The following TTL variants were observed in gnomAD, a reference collection of about 807,000 sequenced individuals.
TTL encodes tubulin tyrosine ligase, also known as tubulin--tyrosine ligase.
Under a neutral mutation model 41.1 loss-of-function variants are expected in TTL, and 10 were observed. That is an observed-to-expected ratio of 0.24 (90% CI 0.15 to 0.41). The LOEUF (loss-of-function observed/expected upper bound fraction) is 0.41, where lower values mean the gene tolerates loss of function less well. Ranked by LOEUF, TTL falls within the 10% of genes least tolerant of loss-of-function variation. The probability of loss-of-function intolerance (pLI) is 1.00; values close to 1 mark genes in which losing one functional copy is unlikely to be tolerated. For missense variants in TTL, 367 were observed against 460.4 expected, an observed-to-expected ratio of 0.80 and a Z score of 1.86; for synonymous variants, 175 against 175.5, an observed-to-expected ratio of 1.00 and a Z score of 0.02.
At chr2:112,487,209 C>T (rs1456973784) in intron 2 of TTL, among the ~76,000 whole-genome samples, 1 of 152,150 alleles carries the variant, frequency 6.6e-6, no homozygotes, top group Admixed American at 6.5e-5. Flanking sequence ...AGGTTGGGTG[C>T]TCACAGGAAC....
chr2:112,488,038 G>A (rs1373895933), intron 2 of TTL, among the ~76,000 whole-genome samples: 3 of 152,186 alleles, frequency 2.0e-5, no homozygotes, highest in Non-Finnish European at 4.4e-5. Context: ...CATTGTGACT[G>A]TGCACCCTTG....
At chr2:112,494,711 C>T (rs930179285) in intron 3 of TTL, among the ~76,000 whole-genome samples, 4 of 152,140 alleles carry the variant, frequency 2.6e-5, no homozygotes, top group Non-Finnish European at 5.9e-5. Context: ...TCCCACTATT[C>T]ACTCAGTCTC....
At chr2:112,497,629 G>A (rs1216054166) in intron 3 of TTL, among the ~76,000 whole-genome samples, 2 of 151,982 alleles carry the variant, frequency 1.3e-5, no homozygotes, top group South Asian at 2.1e-4. Flanking sequence ...GTGTGTAGGG[G>A]AAGAGAATAA....
intron 3 of TTL, among the ~76,000 whole-genome samples, chr2:112,494,680 C>T (rs964275015): frequency 6.6e-6 from 1 of 152,170 alleles, no homozygotes; most frequent in Non-Finnish European, 1.5e-5. Flanking sequence ...TCCTCCTTCA[C>T]GCTTTCCACT....
chr2:112,521,900 C>T (rs541919265), intron 6 of TTL, among the ~76,000 whole-genome samples: 5 of 152,304 alleles, frequency 3.3e-5, no homozygotes, highest in African/African-American at 7.2e-5. Context: ...GAAGGCCAAA[C>T]GCAAGTTAGA....
intron 4 of TTL, among the ~76,000 whole-genome samples, chr2:112,502,502 T>G (rs1302300175): frequency 6.6e-6 from 1 of 152,058 alleles, no homozygotes; most frequent in Non-Finnish European, 1.5e-5. Flanking sequence ...CCGGGCGTGG[T>G]GGCATGCGCC....
intron 5 of TTL, among the ~76,000 whole-genome samples, chr2:112,519,977 A>G (rs151110493): frequency 0.029 from 4,475 of 151,968 alleles, 249 homozygotes; most frequent in African/African-American, 0.1. Context: ...CTGAAAATAC[A>G]AAATTAGCTG....
At position 112,499,183 on chromosome 2, in the gene TTL, C is replaced by T. The variant is rs569878114; in HGVS notation, c.470-2023C>T. Among the ~76,000 whole-genome samples, 103 of 152,146 alleles carry T rather than the reference C, an allele frequency of 6.8e-4. 1 individual carries two copies. The highest frequency in any genetic ancestry group is 3.7e-3 in the Admixed American group (57 of 15,276). ...CAAAAAAATTAGCCAGGTGTGGTGG[C>T]GCATGCCTGTACTTTCAGCTACTCG... On this transcript the variant is annotated intron_variant, in intron 3 of 6. Coordinates refer to ENST00000233336, the MANE Select transcript of TTL (RefSeq NM_153712.5).
chr2:112,521,941 G>A (rs1263185021), intron 6 of TTL, among the ~76,000 whole-genome samples: 3 of 152,110 alleles, frequency 2.0e-5, no homozygotes, highest in Non-Finnish European at 4.4e-5. Flanking sequence ...GCAGGGATCC[G>A]CACCTTCCCT....
At chr2:112,513,595 ATATTTATACAAGTATAAG>A (rs1681984398) in intron 5 of TTL, among the ~76,000 whole-genome samples, 1 of 149,618 alleles carries the variant, frequency 6.7e-6, no homozygotes, top group Admixed American at 6.6e-5. Context: ...ACAAGTATAA[ATATTTATACAAGTATAAG>A]TATAAATATT....
At position 112,520,320 on chromosome 2, in the gene TTL, A is replaced by G. The variant is rs1197427906; in HGVS notation, c.914A>G (p.Lys305Arg). The G allele has an allele frequency of 6.2e-7, 1 of 1,614,154 alleles. No homozygotes were observed. Among genetic ancestry groups the G allele is most frequent in the Non-Finnish European group, 8.5e-7 (1 of 1,180,014 alleles). The change falls in exon 6 of 7, where the codon AAG (lysine) becomes AGG (arginine). Residue 305 changes from lysine (K) to arginine (R), a missense_variant. Transcript: ENST00000233336. ...LLSVEPAIST[K>R]HLPYQSFQLF... ...AGCGTGGAGCCTGCCATTAGCACCA[A>G]GCACCTCCCTTACCAGAGCTTCCAG...
intron 6 of TTL, among the ~76,000 whole-genome samples, chr2:112,521,839 C>T (rs1682241105): frequency 6.6e-6 from 1 of 152,140 alleles, no homozygotes; most frequent in Non-Finnish European, 1.5e-5. Context: ...TGAAAGGTAA[C>T]GTAACTGAGC....
At chr2:112,511,031 T>A (rs933385524) in intron 5 of TTL, among the ~76,000 whole-genome samples, 4 of 152,152 alleles carry the variant, frequency 2.6e-5, no homozygotes, top group African/African-American at 9.7e-5. Flanking sequence ...ATTTTTATGT[T>A]TTTTGAGACA....
Position 112,528,795 on chromosome 2 carries a change from A to C in TTL, c.1134A>C (p.Ter378CysextTer47). ...AGCCAGCTGCCTTCATCAAGCTGTG[A>C]CAGAGGGCACTCCCTGCTGCCTTGG... ...QTQPAAFIKL* is the reference protein window; with the variant it reads ...QTQPAAFIKLC The change falls in exon 7 of 7, where the codon TGA becomes TGC. Residue 378 changes from the stop codon to cysteine (C), a stop_lost. Coordinates refer to ENST00000233336, the MANE Select transcript of TTL (RefSeq NM_153712.5). 1 of 1,612,488 alleles carries C rather than the reference A, an allele frequency of 6.2e-7. No individual in the cohort carries two copies. Among genetic ancestry groups the C allele is most frequent in the Admixed American group, 1.7e-5 (1 of 60,020 alleles).
In TTL at chr2:112,482,300, T is replaced by G; in HGVS notation, c.-45T>G. The G allele has an allele frequency of 2.9e-6, 4 of 1,390,182 alleles. No individual in the cohort carries two copies. Among genetic ancestry groups the G allele is most frequent in the Non-Finnish European group, 3.8e-6 (4 of 1,054,890 alleles). The allele number at this position is 1,390,182 out of a possible 1,614,324, so 86.1% of individuals were successfully genotyped here. Reference sequence around the variant, plus strand: ...CTGAGCCGCCTTCTCGGCCGCCTGGTCCCTGCGGCGGCTGCCCGGCGGCCC... The same window carrying G: ...CTGAGCCGCCTTCTCGGCCGCCTGGGCCCTGCGGCGGCTGCCCGGCGGCCC... On this transcript the variant is annotated 5_prime_UTR_variant, in exon 1 of 7. Transcript: ENST00000233336. The surrounding 1 kb of genome is among the most constrained non-coding windows in gnomAD (Gnocchi z 5.3).
intron 2 of TTL, among the ~76,000 whole-genome samples, chr2:112,492,592 G>A (rs1361357418): frequency 1.3e-5 from 2 of 152,152 alleles, no homozygotes; most frequent in Non-Finnish European, 2.9e-5. Context: ...TTAGCTGGGC[G>A]TGGTGGTGGG....
intron 5 of TTL, among the ~76,000 whole-genome samples, chr2:112,509,914 G>T (rs191920763): frequency 7.2e-5 from 11 of 152,148 alleles, no homozygotes; most frequent in Non-Finnish European, 1.3e-4. Flanking sequence ...GATTACAGGC[G>T]TAAGCCACCA....
chr2:112,494,021 T>A (rs553644842), intron 2 of TTL, 122 bp from the exon 3 acceptor site: 50 of 698,134 alleles, frequency 7.2e-5, no homozygotes, highest in Admixed American at 1.7e-4. Flanking sequence ...CAAATAGAGA[T>A]GTTAGAAGAC....
rs1284035207 is a variant in TTL, at chr2:112,529,273, C to T, written c.*478C>T. ...CACTAAGCTCTGTACAAGCATGCACCAACAGTCCTTAGTTTTGTGCTGTGC... is the reference window on the plus strand; with the variant it reads ...CACTAAGCTCTGTACAAGCATGCACTAACAGTCCTTAGTTTTGTGCTGTGC... On this transcript the variant is annotated 3_prime_UTR_variant, in exon 7 of 7. Coordinates refer to ENST00000233336, the MANE Select transcript of TTL (RefSeq NM_153712.5). The T allele has an allele frequency of 4.1e-6, 1 of 246,790 alleles. No homozygotes were observed. Among genetic ancestry groups the T allele is most frequent in the African/African-American group, 2.2e-5 (1 of 45,658 alleles). The allele number at this position is 246,790 out of a possible 1,614,324, so 15.3% of individuals were successfully genotyped here. A position where few individuals can be genotyped will look rare whatever the true frequency, so the allele number is the denominator to read the frequency against.
Sources: gnomAD v4.1 joint callset for allele counts (sites outside exome capture counted in the v4.1 genomes callset) on GRCh38, gnomAD v4.1.1 for gene constraint, Gnocchi (gnomAD v3.1) non-coding constraint, MANE v1.5 for transcripts, NCBI Gene and HGNC (gene_info 2026-07-23, HGNC 2026-07-21) for gene names.